The following CATSPERE variants were observed in gnomAD, a reference collection of about 807,000 sequenced individuals.
CATSPERE encodes the protein catsper channel auxiliary subunit epsilon.
CATSPERE carries 93 observed loss-of-function variants against 114.1 expected under a neutral mutation model. The observed-to-expected ratio is 0.81, with a 90% CI of 0.69 to 0.97. The LOEUF (loss-of-function observed/expected upper bound fraction) is 0.97, where lower values mean the gene tolerates loss of function less well. CATSPERE is among the 50% of genes least tolerant of loss of function. The pLI is 0.00. For synonymous variants in CATSPERE, 341 were observed against 384.1 expected (o/e 0.89, Z 1.31); for missense variants, 1,058 against 1,131.6 (o/e 0.93, Z 0.93).
At chr1:244,542,155 A>T (rs1322895868) in intron 8 of CATSPERE, among the ~76,000 whole-genome samples, 1 of 236 alleles carries the variant, frequency 4.2e-3, no homozygotes. Flanking sequence ...CATAAAGTAT[A>T]AAAAAAAAAA....
chr1:244,541,059 G>GAA (rs931508014), intron 8 of CATSPERE, among the ~76,000 whole-genome samples: 3 of 86,600 alleles, frequency 3.5e-5, no homozygotes. Flanking sequence ...AACCCTGGAA[G>GAA]AAAACCTAGG....
intron 10 of CATSPERE, among the ~76,000 whole-genome samples, chr1:244,570,207 G>A (rs981060723): frequency 1.3e-5 from 2 of 151,988 alleles, no homozygotes; most frequent in African/African-American, 4.8e-5. Flanking sequence ...TTCATTTTAT[G>A]TAGATTTTCT....
chr1:244,565,821 G>T (rs557172395), intron 10 of CATSPERE, among the ~76,000 whole-genome samples: 2 of 151,938 alleles, frequency 1.3e-5, no homozygotes, highest in East Asian at 3.9e-4. Flanking sequence ...AGGGTTTTTC[G>T]TGTCTCTATC....
At position 244,521,917 on chromosome 1, in the gene CATSPERE, T is replaced by C. The variant is rs1252168490; in HGVS notation, c.536+3219T>C. Among the ~76,000 whole-genome samples, 2 of 145,208 alleles carry C rather than the reference T, an allele frequency of 1.4e-5. 1 individual carries two copies. Among genetic ancestry groups the C allele is most frequent in the African/African-American group, 5.6e-5 (2 of 35,944 alleles). On this transcript the variant is annotated intron_variant, in intron 8 of 21. Transcript: ENST00000366534. ...AAAGTCATTGGTGAGACTGTCAACA[T>C]TAGATCAACGAGACAGAAAGTCAAC...
At chr1:244,498,419 C>G (rs532119805) in intron 6 of CATSPERE, among the ~76,000 whole-genome samples, 1 of 152,212 alleles carries the variant, frequency 6.6e-6, no homozygotes, top group East Asian at 1.9e-4. Context: ...GTGGGAGAGA[C>G]AGCTTTTGCT....
chr1:244,484,873 T>C (rs1670755015), intron 5 of CATSPERE, among the ~76,000 whole-genome samples: 1 of 152,222 alleles, frequency 6.6e-6, no homozygotes, highest in African/African-American at 2.4e-5. Flanking sequence ...ATATCTTTAT[T>C]TTATCCTCAC....
At chr1:244,485,178 TTC>T (rs2148188020) in intron 5 of CATSPERE, among the ~76,000 whole-genome samples, 1 of 118,012 alleles carries the variant, frequency 8.5e-6, no homozygotes, top group Admixed American at 8.7e-5. Context: ...TTTTTTCTTT[TTC>T]TTTTTTTTTC....
intron 10 of CATSPERE, among the ~76,000 whole-genome samples, chr1:244,570,272 A>G (rs979168852): frequency 6.6e-6 from 1 of 152,130 alleles, no homozygotes; most frequent in Non-Finnish European, 1.5e-5. Flanking sequence ...TGTACCTATA[A>G]TTATCTTCCT....
At chr1:244,530,852 G>A (rs1043293100) in intron 8 of CATSPERE, among the ~76,000 whole-genome samples, 1 of 152,028 alleles carries the variant, frequency 6.6e-6, no homozygotes, top group Non-Finnish European at 1.5e-5. Context: ...ATTTTTATAT[G>A]TTGATTTTGT....
intron 20 of CATSPERE, among the ~76,000 whole-genome samples, chr1:244,621,345 T>TATA (rs1218035909): frequency 7.7e-6 from 1 of 129,126 alleles, no homozygotes; most frequent in African/African-American, 3.0e-5. Context: ...TATATATATA[T>TATA]TCCCTAAGAG....
At chr1:244,477,194 C>T (rs1435573038) in intron 2 of CATSPERE, among the ~76,000 whole-genome samples, 2 of 152,160 alleles carry the variant, frequency 1.3e-5, no homozygotes, top group Admixed American at 6.5e-5. Context: ...CAGGGTTTCA[C>T]CATGTTGGCC....
intron 20 of CATSPERE, among the ~76,000 whole-genome samples, chr1:244,622,046 A>G (rs905483133): frequency 6.6e-6 from 1 of 152,190 alleles, no homozygotes; most frequent in African/African-American, 2.4e-5. Context: ...TATCGCATCT[A>G]TCTCCAAGTC....
chr1:244,497,530 C>T (rs1454062299), intron 6 of CATSPERE, among the ~76,000 whole-genome samples: 1 of 152,198 alleles, frequency 6.6e-6, no homozygotes, highest in Non-Finnish European at 1.5e-5. Flanking sequence ...GATATGCTGG[C>T]TCATGCCTGT....
chr1:244,551,475 T>C (rs1477258948), intron 8 of CATSPERE, among the ~76,000 whole-genome samples: 10 of 152,250 alleles, frequency 6.6e-5, no homozygotes, highest in African/African-American at 2.2e-4. Flanking sequence ...AACATACTCA[T>C]AGTAGAACTG....
chr1:244,476,022 T>C (rs1460261219), intron 2 of CATSPERE, among the ~76,000 whole-genome samples: 2 of 152,220 alleles, frequency 1.3e-5, no homozygotes, highest in East Asian at 1.9e-4. Flanking sequence ...ATTTCACTAA[T>C]ATCAAAGGGC....
In CATSPERE at chr1:244,549,198, A is replaced by G. The variant is rs116025078; in HGVS notation, c.537-3124A>G. Among the ~76,000 whole-genome samples the G allele has an allele frequency of 5.7e-3, 870 of 152,322 alleles. 5 individuals are homozygous for G. The highest frequency in any genetic ancestry group is 9.3e-3 in the Non-Finnish European group (635 of 68,038). On this transcript the variant is annotated intron_variant, in intron 8 of 21. Transcript: ENST00000366534. ...AGAACCCATTCCAGCCAAAACTACAAATGGCCCAGACACTTTAGGAATGGA... is the reference window on the plus strand; with the variant it reads ...AGAACCCATTCCAGCCAAAACTACAGATGGCCCAGACACTTTAGGAATGGA...
intron 7 of CATSPERE, among the ~76,000 whole-genome samples, chr1:244,512,993 C>T (rs1391750195): frequency 1.3e-5 from 2 of 152,132 alleles, no homozygotes; most frequent in African/African-American, 2.4e-5. Flanking sequence ...ACATCAGGTT[C>T]GTGAACCCCC....
chr1:244,587,645 G>A (rs1667187617), intron 13 of CATSPERE, among the ~76,000 whole-genome samples: 1 of 152,232 alleles, frequency 6.6e-6, no homozygotes, highest in Non-Finnish European at 1.5e-5. Flanking sequence ...CATAAAATGA[G>A]GACAGTGGTT....
chr1:244,625,402 T>TATA (rs1553391554), intron 20 of CATSPERE, among the ~76,000 whole-genome samples: 1 of 45,984 alleles, frequency 2.2e-5, no homozygotes, highest in African/African-American at 9.5e-5. Flanking sequence ...ATTATTATTA[T>TATA]TATTTATATA....
Sources: allele counts gnomAD v4.1 joint callset (sites outside exome capture counted in the v4.1 genomes callset), GRCh38; gene constraint gnomAD v4.1.1; transcripts MANE v1.5; gene names NCBI Gene and HGNC (gene_info 2026-07-23, HGNC 2026-07-21).